Variants in LRRC4C observed in about 807,000 individuals in gnomAD.
The protein encoded by LRRC4C is leucine-rich repeat-containing protein 4C.
A neutral mutation model predicts 33.6 loss-of-function variants in LRRC4C; 5 were observed. That is an observed-to-expected ratio of 0.15 (90% CI 0.08 to 0.31). The LOEUF (loss-of-function observed/expected upper bound fraction) is 0.31, where lower values mean the gene tolerates loss of function less well. Ranked by LOEUF, LRRC4C falls within the 10% of genes least tolerant of loss-of-function variation. The pLI is 1.00. For missense variants in LRRC4C, 560 were observed against 796.7 expected (o/e 0.70, Z 3.58); for synonymous variants, 329 against 302.0 (o/e 1.09, Z -0.93).
intron 1 of LRRC4C, among the ~76,000 whole-genome samples, chr11:41,035,481 T>C (rs149214345): frequency 2.0e-5 from 3 of 152,242 alleles, no homozygotes; most frequent in African/African-American, 4.8e-5. Flanking sequence ...ACATGAGATG[T>C]TTAGTTTTCT....
At chr11:40,600,589 A>G (rs559872969) in intron 3 of LRRC4C, among the ~76,000 whole-genome samples, 1 of 152,308 alleles carries the variant, frequency 6.6e-6, no homozygotes, top group South Asian at 2.1e-4. Flanking sequence ...ACTTCTGTTG[A>G]GAATCATTGT....
chr11:40,545,621 G>A (rs1453233065), intron 3 of LRRC4C, among the ~76,000 whole-genome samples: 3 of 151,826 alleles, frequency 2.0e-5, no homozygotes, highest in African/African-American at 7.3e-5. Flanking sequence ...TGCTGTGTTA[G>A]ATAAGTTAAA....
At chr11:41,128,809 G>A (rs1590689977) in intron 1 of LRRC4C, among the ~76,000 whole-genome samples, 1 of 151,882 alleles carries the variant, frequency 6.6e-6, no homozygotes, top group Non-Finnish European at 1.5e-5. Context: ...TTGTCTTTTG[G>A]TACCATTTTC....
chr11:41,271,385 AAC>A (rs1379890052), intron 1 of LRRC4C, among the ~76,000 whole-genome samples: 2 of 152,062 alleles, frequency 1.3e-5, no homozygotes, highest in Non-Finnish European at 2.9e-5. Flanking sequence ...AAACTTCTAC[AAC>A]AGTCCTCTCC....
chr11:41,220,744 C>T (rs1314609662), intron 1 of LRRC4C, among the ~76,000 whole-genome samples: 1 of 152,006 alleles, frequency 6.6e-6, no homozygotes, highest in African/African-American at 2.4e-5. Flanking sequence ...GTTGATATCC[C>T]AAGAAAATTG....
At chr11:40,839,501 G>A (rs1297287552) in intron 2 of LRRC4C, among the ~76,000 whole-genome samples, 3 of 152,014 alleles carry the variant, frequency 2.0e-5, no homozygotes, top group Non-Finnish European at 2.9e-5. Flanking sequence ...CTGCCTCGGC[G>A]TTCCAAAGTG....
At position 40,114,240 on chromosome 11, in the gene LRRC4C, ATTTCT is replaced by A. The variant is rs887011426; in HGVS notation, c.*125_*129del. On this transcript the variant is annotated 3_prime_UTR_variant, in exon 7 of 7. Coordinates refer to ENST00000528697, the MANE Select transcript of LRRC4C (RefSeq NM_001258419.2). ...TCACAATAGAATTTTTAATAAATAA[ATTTCT>A]TTTCTTTTTTGTTTTTTTGTAAAGA... 1.8e-5 allele frequency: 19 copies of A among 1,046,026 alleles called. No individual in the cohort carries two copies. In the Middle Eastern group the frequency reaches 1.3e-3, roughly 70 times the overall value. 64.8% of individuals were successfully genotyped at this position (1,046,026 alleles called of 1,614,324 possible).
At chr11:40,624,022 G>A (rs769499409) in intron 3 of LRRC4C, among the ~76,000 whole-genome samples, 7 of 152,066 alleles carry the variant, frequency 4.6e-5, no homozygotes, top group Non-Finnish European at 1.0e-4. Flanking sequence ...TCTGGTAGAC[G>A]AGACATTTTG....
At chr11:41,391,673 G>GCAAGAT (rs1953601679) in intron 1 of LRRC4C, among the ~76,000 whole-genome samples, 1 of 151,800 alleles carries the variant, frequency 6.6e-6, no homozygotes, top group East Asian at 1.9e-4. Context: ...AACCCAAGGT[G>GCAAGAT]CAAGATCAGT....
At chr11:41,238,267 C>G (rs931792627) in intron 1 of LRRC4C, among the ~76,000 whole-genome samples, 2 of 152,058 alleles carry the variant, frequency 1.3e-5, no homozygotes, top group Non-Finnish European at 2.9e-5. Context: ...CTTCTATTTA[C>G]CTCTTTAGGC....
At chr11:40,496,744 G>GT (rs971086706) in intron 3 of LRRC4C, among the ~76,000 whole-genome samples, 3 of 152,264 alleles carry the variant, frequency 2.0e-5, no homozygotes, top group African/African-American at 7.2e-5. Flanking sequence ...CTGAAACCAT[G>GT]TGTTTAGATG....
chr11:41,303,521 G>A (rs1426011100), intron 1 of LRRC4C, among the ~76,000 whole-genome samples: 1 of 123,506 alleles, frequency 8.1e-6, no homozygotes, highest in Admixed American at 9.6e-5. Context: ...CATCTGGGAA[G>A]TGAGGAGTGT....
At chr11:40,273,486 A>G (rs892900905) in intron 4 of LRRC4C, among the ~76,000 whole-genome samples, 2 of 152,128 alleles carry the variant, frequency 1.3e-5, no homozygotes, top group African/African-American at 4.8e-5. Flanking sequence ...GACAACATAT[A>G]TTTCATCCAA....
chr11:40,495,822 T>TTTTG (rs1954413621), intron 3 of LRRC4C, among the ~76,000 whole-genome samples: 1 of 39,512 alleles, frequency 2.5e-5, no homozygotes, highest in East Asian at 1.6e-3. Context: ...TGTTTTTTTT[T>TTTTG]TTTTTTTTTT....
At chr11:40,542,625 AG>A (rs1206211034) in intron 3 of LRRC4C, among the ~76,000 whole-genome samples, 1 of 149,528 alleles carries the variant, frequency 6.7e-6, no homozygotes, top group Admixed American at 6.6e-5. Context: ...CTGCGTTCAC[AG>A]GGGAAGTTCT....
chr11:40,183,492 T>G (rs781491927), intron 5 of LRRC4C, among the ~76,000 whole-genome samples: 2 of 152,130 alleles, frequency 1.3e-5, no homozygotes, highest in Non-Finnish European at 2.9e-5. Flanking sequence ...GCCAAAGAGG[T>G]GAGAAGACTA....
intron 1 of LRRC4C, among the ~76,000 whole-genome samples, chr11:41,086,300 C>A (rs1364155338): frequency 6.6e-6 from 1 of 152,026 alleles, no homozygotes; most frequent in Non-Finnish European, 1.5e-5. Context: ...TGATATAAAT[C>A]ATTGTGTTCA....
At chr11:40,919,757 A>T (rs910419992) in intron 2 of LRRC4C, among the ~76,000 whole-genome samples, 2 of 152,180 alleles carry the variant, frequency 1.3e-5, no homozygotes, top group Non-Finnish European at 2.9e-5. Flanking sequence ...ATCAGTAATA[A>T]TTATTATGAA....
At chr11:40,232,883 C>A (rs1865302953) in intron 5 of LRRC4C, among the ~76,000 whole-genome samples, 1 of 152,188 alleles carries the variant, frequency 6.6e-6, no homozygotes, top group Non-Finnish European at 1.5e-5. Flanking sequence ...TTTCCTACTT[C>A]CAAGCCATTC....
Sources: gnomAD v4.1 joint callset for allele counts (sites outside exome capture counted in the v4.1 genomes callset) on GRCh38, gnomAD v4.1.1 for gene constraint, MANE v1.5 for transcripts, NCBI Gene and HGNC (gene_info 2026-07-23, HGNC 2026-07-21) for gene names.